The following TRAK1 variants were observed in gnomAD, a reference collection of about 807,000 sequenced individuals.
TRAK1 encodes trafficking kinesin protein 1, also known as trafficking kinesin-binding protein 1.
Under a neutral mutation model 92.1 loss-of-function variants are expected in TRAK1, and 33 were observed. The ratio of observed to expected loss-of-function variants is 0.36; its 90% CI spans 0.27 to 0.48. TRAK1 has a LOEUF of 0.48. Among genes scored for constraint, TRAK1 ranks in the 20% least tolerant of loss-of-function variants. The probability of loss-of-function intolerance (pLI) is 0.99; values close to 1 mark genes in which losing one functional copy is unlikely to be tolerated. For synonymous variants in TRAK1, 521 were observed against 517.3 expected, an observed-to-expected ratio of 1.01 and a Z score of -0.10; for missense variants, 1,123 against 1,257.9, an observed-to-expected ratio of 0.89 and a Z score of 1.62.
At chr3:42,121,857 G>T (rs768732591) in intron 1 of TRAK1, among the ~76,000 whole-genome samples, 4 of 151,116 alleles carry the variant, frequency 2.6e-5, no homozygotes, top group Non-Finnish European at 5.9e-5. Flanking sequence ...TCGCTCTGTC[G>T]CCCAGGCTGG....
intron 1 of TRAK1, among the ~76,000 whole-genome samples, chr3:42,097,614 A>G (rs1706123549): frequency 6.6e-6 from 1 of 152,222 alleles, no homozygotes; most frequent in Admixed American, 6.5e-5. Context: ...CTTTTAGCTC[A>G]TGGAGTGATT....
At chr3:42,032,454 C>T (rs549133237) in intron 1 of TRAK1, among the ~76,000 whole-genome samples, 111 of 143,376 alleles carry the variant, frequency 7.7e-4, no homozygotes, top group African/African-American at 3.0e-3. Context: ...AGATTTTGCT[C>T]AAATACACCC....
chr3:42,020,671 A>T (rs1020163177), intron 1 of TRAK1, among the ~76,000 whole-genome samples: 5 of 152,218 alleles, frequency 3.3e-5, no homozygotes, highest in African/African-American at 1.2e-4. Context: ...GGGTCATAAG[A>T]CATATGTTCA....
At chr3:42,046,893 G>A (rs1702771526) in intron 1 of TRAK1, among the ~76,000 whole-genome samples, 1 of 151,846 alleles carries the variant, frequency 6.6e-6, no homozygotes, top group Admixed American at 6.6e-5. Context: ...CATGAGCTTT[G>A]GTATTTATTT....
chr3:42,153,436 G>T (rs150081262), intron 2 of TRAK1, among the ~76,000 whole-genome samples: 51 of 152,092 alleles, frequency 3.4e-4, no homozygotes, highest in African/African-American at 1.2e-3. Flanking sequence ...TTTGAACAAG[G>T]TACAGCATTT....
chr3:42,163,571 GAAA>G (rs527410797), intron 2 of TRAK1, among the ~76,000 whole-genome samples: 1 of 114,046 alleles, frequency 8.8e-6, no homozygotes. Context: ...CCATCTCAAA[GAAA>G]AAAAAAAAAA....
At chr3:42,024,739 T>G (rs548361658) in intron 1 of TRAK1, among the ~76,000 whole-genome samples, 1 of 152,356 alleles carries the variant, frequency 6.6e-6, no homozygotes, top group African/African-American at 2.4e-5. Context: ...CATGCTTGCA[T>G]ACACACCCAT....
chr3:42,033,869 A>T (rs1702234455), intron 1 of TRAK1, among the ~76,000 whole-genome samples: 1 of 151,724 alleles, frequency 6.6e-6, no homozygotes, highest in South Asian at 2.1e-4. Context: ...AGACTGGGAG[A>T]TTTGGCTCAA....
chr3:42,088,862 G>A (rs1380724765), upstream of TRAK1, among the ~76,000 whole-genome samples: 4 of 152,170 alleles, frequency 2.6e-5, no homozygotes, highest in African/African-American at 9.7e-5. Context: ...AAGGGCCCGG[G>A]GCCCAGCCTT....
intron 7 of TRAK1, among the ~76,000 whole-genome samples, 187 bp from the exon 8 acceptor site, chr3:42,192,888 A>T (rs1041940742): frequency 6.6e-6 from 1 of 152,194 alleles, no homozygotes; most frequent in Non-Finnish European, 1.5e-5. Context: ...TTGAGCCCTG[A>T]AGAAGCTGCT....
chr3:42,140,039 A>G (rs1455764228), intron 2 of TRAK1, among the ~76,000 whole-genome samples: 3 of 152,124 alleles, frequency 2.0e-5, no homozygotes, highest in Non-Finnish European at 4.4e-5. Context: ...TACCACACCC[A>G]AGCCCTTTTT....
At chr3:42,107,419 G>C (rs1707730035) in intron 1 of TRAK1, among the ~76,000 whole-genome samples, 1 of 151,966 alleles carries the variant, frequency 6.6e-6, no homozygotes, top group South Asian at 2.1e-4. Flanking sequence ...GGCTGAGGCA[G>C]GGGAATTGCT....
chr3:42,158,890 C>T (rs1015190734), intron 2 of TRAK1, among the ~76,000 whole-genome samples: 4 of 149,820 alleles, frequency 2.7e-5, no homozygotes, highest in Non-Finnish European at 4.4e-5. Flanking sequence ...ACCCGGGAGG[C>T]GGAGCTTGCA....
At chr3:42,145,306 G>A (rs139384078) in intron 2 of TRAK1, among the ~76,000 whole-genome samples, 1,602 of 152,198 alleles carry the variant, frequency 0.011, 17 homozygotes, top group Non-Finnish European at 0.015. Flanking sequence ...CCAACATGGT[G>A]AGACCCCATC....
intron 1 of TRAK1, among the ~76,000 whole-genome samples, chr3:42,031,041 T>A (rs1702124003): frequency 2.7e-5 from 4 of 147,236 alleles, no homozygotes; most frequent in Non-Finnish European, 6.0e-5. Flanking sequence ...GAATTTTTTT[T>A]TTTTTTTTTT....
At chr3:42,085,523 T>A (rs192261151), upstream of TRAK1, among the ~76,000 whole-genome samples, 87 of 152,338 alleles carry the variant, frequency 5.7e-4, no homozygotes, top group African/African-American at 2.1e-3. Flanking sequence ...TAAGGGATAC[T>A]CCGCCTGTAA....
chr3:42,032,244 G>A (rs1702171819), intron 1 of TRAK1, among the ~76,000 whole-genome samples: 1 of 152,232 alleles, frequency 6.6e-6, no homozygotes, highest in African/African-American at 2.4e-5. Flanking sequence ...AGTATGGTAA[G>A]AATAATCAAC....
At chr3:42,185,081 G>A (rs3774380) in intron 4 of TRAK1, among the ~76,000 whole-genome samples, 3 of 152,306 alleles carry the variant, frequency 2.0e-5, no homozygotes, top group East Asian at 3.9e-4. Context: ...TCGTACATCT[G>A]TGTGCCATGT....
intron 2 of TRAK1, among the ~76,000 whole-genome samples, chr3:42,156,924 C>G (rs150029451): frequency 6.6e-6 from 1 of 151,948 alleles, no homozygotes; most frequent in African/African-American, 2.4e-5. Flanking sequence ...GAGGCCGAGG[C>G]GAGTGGATCA....
Sources: allele counts gnomAD v4.1 joint callset (sites outside exome capture counted in the v4.1 genomes callset), GRCh38; gene constraint gnomAD v4.1.1; transcripts MANE v1.5; gene names NCBI Gene and HGNC (gene_info 2026-07-23, HGNC 2026-07-21).